Variants in MCC observed in about 807,000 individuals in gnomAD.
MCC encodes MCC regulator of Wnt signaling pathway.
A neutral mutation model predicts 116.2 loss-of-function variants in MCC; 90 were observed. The ratio of observed to expected loss-of-function variants is 0.77; its 90% confidence interval spans 0.65 to 0.92. The LOEUF (loss-of-function observed/expected upper bound fraction) is 0.92, where lower values mean the gene tolerates loss of function less well. MCC is among the 40% of genes least tolerant of loss of function. MCC has a pLI of 0.00. For missense variants in MCC, 1,516 were observed against 1,312.2 expected, an observed-to-expected ratio of 1.16 and a Z score of -2.40; for synonymous variants, 578 against 510.5, an observed-to-expected ratio of 1.13 and a Z score of -1.78.
At chr5:113,104,420 T>C (rs1337165434) in intron 6 of MCC, 65 bp from the exon 7 acceptor site, 2 of 1,441,650 alleles carry the variant, frequency 1.4e-6, no homozygotes, top group Admixed American at 3.9e-5. Context: ...TTGCTTACCA[T>C]GAGGGACTCA....
At chr5:113,334,268 C>T (rs1318592467) in intron 3 of MCC, among the ~76,000 whole-genome samples, 1 of 150,504 alleles carries the variant, frequency 6.6e-6, no homozygotes, top group East Asian at 1.9e-4. Flanking sequence ...AATGCAGTGG[C>T]GTGATCTTGG....
chr5:113,101,682 C>T, intron 8 of MCC, 57 bp downstream of exon 8: 1 of 1,578,996 alleles, frequency 6.3e-7, no homozygotes, highest in Non-Finnish European at 8.7e-7. Flanking sequence ...TATACACCAG[C>T]CTCTCTCAGC....
rs1339909223 is a variant in MCC at position 113,339,235 on chromosome 5, AAAC to A, written c.627+1281_627+1283del. 5.2e-4 allele frequency among the ~76,000 whole-genome samples: 76 copies of A among 146,870 alleles called. 1 individual carries two copies. The highest frequency in any genetic ancestry group is 1.8e-3 in the African/African-American group (70 of 39,926). ...GAGCGAAACTCCATCTCAAAAAAAA[AAAC>A]AAATAGTTTTAGACAAAATTTGCAA... is the stretch of plus-strand genomic sequence containing the variant. On this transcript the variant is annotated intron_variant, in intron 3 of 18. Coordinates refer to ENST00000408903, the MANE Select transcript of MCC (RefSeq NM_001085377.2).
At chr5:113,472,832 A>G (rs946075945) in intron 1 of MCC, among the ~76,000 whole-genome samples, 1 of 152,264 alleles carries the variant, frequency 6.6e-6, no homozygotes, top group Admixed American at 6.5e-5. Context: ...AACATGGTAC[A>G]GGAGTTTTCC....
At chr5:113,377,173 A>T (rs185084659) in intron 2 of MCC, among the ~76,000 whole-genome samples, 1 of 152,194 alleles carries the variant, frequency 6.6e-6, no homozygotes, top group Non-Finnish European at 1.5e-5. Flanking sequence ...TCACATTTGC[A>T]TTCTCTCTCA....
intron 8 of MCC, among the ~76,000 whole-genome samples, chr5:113,085,678 G>A (rs991616606): frequency 6.6e-6 from 1 of 152,068 alleles, no homozygotes; most frequent in Non-Finnish European, 1.5e-5. Context: ...CTTCCAGGAT[G>A]GATGACCATC....
intron 5 of MCC, among the ~76,000 whole-genome samples, chr5:113,139,623 T>G (rs1270505724): frequency 1.3e-5 from 2 of 152,316 alleles, no homozygotes; most frequent in East Asian, 3.9e-4. Context: ...GGAGAGGATG[T>G]GGAGAAACAG....
intron 3 of MCC, among the ~76,000 whole-genome samples, chr5:113,188,015 G>T (rs916047296): frequency 6.6e-6 from 1 of 152,126 alleles, no homozygotes; most frequent in African/African-American, 2.4e-5. Flanking sequence ...ATTCTAGAAA[G>T]GGGAAAGCAG....
chr5:113,109,795 T>G (rs993154627), intron 6 of MCC, among the ~76,000 whole-genome samples: 1 of 151,890 alleles, frequency 6.6e-6, no homozygotes, highest in Non-Finnish European at 1.5e-5. Context: ...TTAAAAAAAA[T>G]TTTCCCCTGT....
At chr5:113,422,503 A>G (rs1024470982) in intron 1 of MCC, among the ~76,000 whole-genome samples, 2 of 152,232 alleles carry the variant, frequency 1.3e-5, no homozygotes, top group Non-Finnish European at 2.9e-5. Flanking sequence ...GGCTCACAAA[A>G]TTCCTGAAAA....
intron 5 of MCC, among the ~76,000 whole-genome samples, chr5:113,126,629 A>G (rs749516276): frequency 3.9e-5 from 6 of 152,350 alleles, no homozygotes; most frequent in Non-Finnish European, 7.3e-5. Flanking sequence ...CATGAAATAT[A>G]TACATTAGGT....
At chr5:113,225,585 C>T (rs1465702583) in intron 3 of MCC, among the ~76,000 whole-genome samples, 3 of 152,318 alleles carry the variant, frequency 2.0e-5, no homozygotes, top group Middle Eastern at 3.4e-3. Flanking sequence ...AAGAGTACTT[C>T]ATGAATATAT....
Position 113,434,819 on chromosome 5 carries a change from G to C in MCC, c.171-49607C>G. 2 of 1,610,226 alleles carry C rather than the reference G, an allele frequency of 1.2e-6. No individual in the cohort carries two copies. The highest frequency in any genetic ancestry group is 1.7e-6 in the Non-Finnish European group (2 of 1,177,002). On this transcript the variant is annotated intron_variant, in intron 1 of 18. Transcript: ENST00000408903. This position sits in a 1 kb window ranked among gnomAD's most constrained non-coding sequence, Gnocchi z 4.2. ...TCCCCAGGAGGTAGCCTCGTCGCTT[G>C]AGGACAGCAGCGTCATCCATGGTGC...
At chr5:113,218,088 T>C (rs796463105) in intron 3 of MCC, among the ~76,000 whole-genome samples, 30 of 78,150 alleles carry the variant, frequency 3.8e-4, no homozygotes, top group African/African-American at 1.6e-3. Flanking sequence ...AGAAGGATGG[T>C]TGCACGGGGG....
Position 113,064,147 on chromosome 5 carries a change from T to C in MCC, c.2050A>G (p.Asn684Asp). 6.2e-7 allele frequency: 1 copy of C among 1,612,872 alleles called. No individual in the cohort carries two copies. The highest frequency in any genetic ancestry group is 8.5e-7 in the Non-Finnish European group (1 of 1,179,274). ...SSPGDQSGDE[N>D]ITQMLKRAHD... is the part of the protein sequence containing the mutation. ...GCTCGCTTGAGCATCTGAGTGATGT[T>C]TTCATCCCCCGACTGGTCTCCTATG... Residue 684 changes from asparagine (N) to aspartate (D), a missense_variant, in exon 14 of 19, where the codon AAC becomes GAC. By Grantham distance (23) the Asn-to-Asp change is conservative (BLOSUM62 1). Coordinates refer to ENST00000408903, the MANE Select transcript of MCC (RefSeq NM_001085377.2).
chr5:113,066,943 G>T (rs1236375485), intron 13 of MCC, among the ~76,000 whole-genome samples: 1 of 152,142 alleles, frequency 6.6e-6, no homozygotes, highest in African/African-American at 2.4e-5. Flanking sequence ...AAGGCTAAGG[G>T]GGTGTCCGGG....
At position 113,247,834 on chromosome 5, in the gene MCC, C is replaced by T. The variant is rs747798924; in HGVS notation, c.627+92685G>A. On this transcript the variant is annotated intron_variant, in intron 3 of 18. Transcript: ENST00000408903. ...CATAACCAGAGGGAGGGATGATAGA[C>T]GGCAGCAGGGGAGTGTATGGTCACC... Among the ~76,000 whole-genome samples the T allele has an allele frequency of 2.6e-5, 4 of 152,084 alleles. No individual in the cohort carries two copies. The South Asian group carries it at 6.2e-4, about 24-fold the overall frequency.
At chr5:113,079,360 A>T (rs1039151698) in intron 11 of MCC, among the ~76,000 whole-genome samples, 1 of 152,246 alleles carries the variant, frequency 6.6e-6, no homozygotes, top group Admixed American at 6.5e-5. Flanking sequence ...GACAATCCTA[A>T]GCCAAAAGAA....
chr5:113,029,026 C>G lies in MCC; in HGVS notation c.2787G>C (p.Glu929Asp). Residue 929 changes from glutamate (E) to aspartate (D), a missense_variant, in exon 18 of 19, where the codon GAG (glutamate) becomes GAC (aspartate). Physicochemically the swap from Glu to Asp is conservative, Grantham distance 45. Transcript: ENST00000408903. ...TGAGTCTCTCCAAGGCACTCACCAGCTCTTGAACTCTGGCCTTCAACTTCT... is the reference window on the plus strand; with the variant it reads ...TGAGTCTCTCCAAGGCACTCACCAGGTCTTGAACTCTGGCCTTCAACTTCT... ...REKKLKARVQELVSALERLTK... is the reference protein window; with the variant it reads ...REKKLKARVQDLVSALERLTK... 6.2e-7 allele frequency: 1 copy of G among 1,613,410 alleles called. No homozygotes were observed. Among genetic ancestry groups the G allele is most frequent in the Non-Finnish European group, 8.5e-7 (1 of 1,179,632 alleles).
Sources: allele counts gnomAD v4.1 joint callset (sites outside exome capture counted in the v4.1 genomes callset), GRCh38; gene constraint gnomAD v4.1.1; non-coding constraint Gnocchi (gnomAD v3.1); transcripts MANE v1.5; gene names NCBI Gene and HGNC (gene_info 2026-07-23, HGNC 2026-07-21).